Variants in FAM135B observed in about 807,000 individuals in gnomAD.
FAM135B encodes the protein family with sequence similarity 135 member B, also known as protein FAM135B.
A neutral mutation model predicts 127.7 loss-of-function variants in FAM135B; 43 were observed. The observed-to-expected ratio is 0.34, with a 90% CI of 0.26 to 0.43. FAM135B has a LOEUF of 0.43. Ranked by LOEUF, FAM135B falls within the 20% of genes least tolerant of loss-of-function variation. FAM135B has a pLI of 1.00. For synonymous variants in FAM135B, 670 were observed against 665.1 expected, an observed-to-expected ratio of 1.01 and a Z score of -0.11; for missense variants, 1,558 against 1,725.6, an observed-to-expected ratio of 0.90 and a Z score of 1.72.
chr8:138,148,122 T>C (rs1399077453), intron 14 of FAM135B, among the ~76,000 whole-genome samples: 1 of 152,238 alleles, frequency 6.6e-6, no homozygotes, highest in East Asian at 1.9e-4. Flanking sequence ...CATGAATTCA[T>C]GGATTCAAAT....
chr8:138,305,369 T>G (rs181128560), intron 3 of FAM135B, among the ~76,000 whole-genome samples: 88 of 152,286 alleles, frequency 5.8e-4, no homozygotes, highest in African/African-American at 1.9e-3. Flanking sequence ...ATGATTCAAC[T>G]GATCAGCCCC....
rs184023576 is a variant in FAM135B, at chr8:138,313,873, C to A, written c.78-2953G>T. On this transcript the variant is annotated intron_variant, in intron 2 of 19. Transcript: ENST00000395297. ...CTCACAGCACCTTTGTGGTCATTCACAGACATGAACACAGTGGTAAAAAGT... is the reference window on the plus strand; with the variant it reads ...CTCACAGCACCTTTGTGGTCATTCAAAGACATGAACACAGTGGTAAAAAGT... 6.8e-4 allele frequency among the ~76,000 whole-genome samples: 103 copies of A among 151,046 alleles called. 2 individuals carry two copies. The highest frequency in any genetic ancestry group is 2.5e-3 in the African/African-American group (101 of 41,134).
At chr8:138,463,222 A>G (rs1357180764) in intron 1 of FAM135B, among the ~76,000 whole-genome samples, 1 of 152,186 alleles carries the variant, frequency 6.6e-6, no homozygotes, top group Non-Finnish European at 1.5e-5. Flanking sequence ...AGAGATGGTA[A>G]GTATCTTCAA....
chr8:138,426,290 G>T (rs1834887251), intron 1 of FAM135B, among the ~76,000 whole-genome samples: 1 of 151,198 alleles, frequency 6.6e-6, no homozygotes, highest in Non-Finnish European at 1.5e-5. Context: ...ATATTGACCA[G>T]AATGGCTAAG....
chr8:138,453,951 G>A (rs1055199365), intron 1 of FAM135B, among the ~76,000 whole-genome samples: 5 of 151,930 alleles, frequency 3.3e-5, no homozygotes, highest in Admixed American at 3.3e-4. Flanking sequence ...TTTATTTCAC[G>A]AAAGAGAAAT....
At chr8:138,164,781 T>C (rs370293963) in intron 12 of FAM135B, among the ~76,000 whole-genome samples, 7 of 152,340 alleles carry the variant, frequency 4.6e-5, no homozygotes, top group African/African-American at 1.7e-4. Flanking sequence ...TCTGACCACC[T>C]TGGGTACATG....
chr8:138,487,231 G>C (rs971957632), intron 1 of FAM135B, among the ~76,000 whole-genome samples: 1 of 152,148 alleles, frequency 6.6e-6, no homozygotes, highest in African/African-American at 2.4e-5. Flanking sequence ...ACTTTGTGAA[G>C]TCCATGCAGG....
intron 1 of FAM135B, among the ~76,000 whole-genome samples, chr8:138,376,018 G>C (rs1021742209): frequency 6.6e-6 from 1 of 152,128 alleles, no homozygotes. Context: ...TTTTGAAATG[G>C]AGACTCACTC....
At chr8:138,351,925 G>A (rs1438315871) in intron 2 of FAM135B, among the ~76,000 whole-genome samples, 1 of 152,052 alleles carries the variant, frequency 6.6e-6, no homozygotes, top group Non-Finnish European at 1.5e-5. Flanking sequence ...CCTCACCTCA[G>A]GTGATCTGTC....
intron 3 of FAM135B, among the ~76,000 whole-genome samples, chr8:138,278,996 T>G (rs894109063): frequency 6.6e-6 from 1 of 152,182 alleles, no homozygotes; most frequent in Non-Finnish European, 1.5e-5. Flanking sequence ...ATGCCAAATC[T>G]AAGCTTCTTG....
At position 138,132,612 on chromosome 8, in the gene FAM135B, C is replaced by T. The variant is rs2130481474; in HGVS notation, c.4202G>A (p.Gly1401Glu). ...AAGCCACTACTTGAAGTAGTTGAGT[C>T]CTGCCACCAAGAAAAACTTCTCCAG... ...LFLEKFFLVA[G>E]LNYFK The change falls in exon 20 of 20, where the codon GGA (glycine) becomes GAA (glutamate). Residue 1401 changes from glycine (G) to glutamate (E), a missense_variant. Transcript: ENST00000395297. This position sits in a 1 kb window ranked among gnomAD's most constrained non-coding sequence, Gnocchi z 4.5. 1 of 1,614,134 alleles carries T rather than the reference C, an allele frequency of 6.2e-7. No homozygotes were observed. Among genetic ancestry groups the T allele is most frequent in the Non-Finnish European group, 8.5e-7 (1 of 1,180,010 alleles).
chr8:138,248,681 A>C (rs1821469296), intron 6 of FAM135B, among the ~76,000 whole-genome samples: 1 of 152,010 alleles, frequency 6.6e-6, no homozygotes, highest in African/African-American at 2.4e-5. Flanking sequence ...TTAGCCAAGC[A>C]TGACGGCTCC....
At chr8:138,441,507 G>T (rs1482173853) in intron 1 of FAM135B, 2 of 152,180 alleles carry the variant, frequency 1.3e-5, no homozygotes, top group African/African-American at 2.4e-5. Context: ...TCACTATTGT[G>T]TGAAGAACTA....
chr8:138,160,987 A>G (rs751230344), intron 12 of FAM135B, among the ~76,000 whole-genome samples: 3 of 152,200 alleles, frequency 2.0e-5, no homozygotes, highest in Non-Finnish European at 2.9e-5. Flanking sequence ...GAGACCTTGG[A>G]CAACTATGGA....
chr8:138,195,225 T>G, intron 9 of FAM135B, 33 bp downstream of exon 9: 1 of 1,604,292 alleles, frequency 6.2e-7, no homozygotes, highest in African/African-American at 1.3e-5. Flanking sequence ...CTACTGCCAT[T>G]CATTCAGACC....
At chr8:138,228,573 A>G (rs1180325580) in intron 7 of FAM135B, among the ~76,000 whole-genome samples, 1 of 152,038 alleles carries the variant, frequency 6.6e-6, no homozygotes, top group Non-Finnish European at 1.5e-5. Flanking sequence ...TGGGGAGCGG[A>G]CCTGTGTTTG....
At chr8:138,449,377 G>C (rs1454464183) in intron 1 of FAM135B, among the ~76,000 whole-genome samples, 1 of 152,134 alleles carries the variant, frequency 6.6e-6, no homozygotes, top group East Asian at 1.9e-4. Context: ...GAGTGTTCCA[G>C]AGAGAGGAGC....
chr8:138,136,586 G>GT (rs1157100091), intron 19 of FAM135B, among the ~76,000 whole-genome samples: 4 of 151,952 alleles, frequency 2.6e-5, no homozygotes, highest in South Asian at 4.2e-4. Context: ...CTAAAAACAT[G>GT]TTTTTAAAAA....
intron 7 of FAM135B, among the ~76,000 whole-genome samples, chr8:138,212,077 T>C (rs779206801): frequency 6.6e-6 from 1 of 152,006 alleles, no homozygotes; most frequent in Non-Finnish European, 1.5e-5. Context: ...AATAAATAAA[T>C]ACAATAAAAT....
Sources: gnomAD v4.1 joint callset for allele counts (sites outside exome capture counted in the v4.1 genomes callset) on GRCh38, gnomAD v4.1.1 for gene constraint, Gnocchi (gnomAD v3.1) non-coding constraint, MANE v1.5 for transcripts, NCBI Gene and HGNC (gene_info 2026-07-23, HGNC 2026-07-21) for gene names.